MICU3: variants seen among roughly 807,000 people sequenced by gnomAD.
MICU3 encodes calcium uptake protein 3, mitochondrial.
MICU3 carries 62 observed loss-of-function variants against 66.5 expected under a neutral mutation model. The ratio of observed to expected loss-of-function variants is 0.93; its 90% CI spans 0.76 to 1.15. The LOEUF (loss-of-function observed/expected upper bound fraction) is 1.15. Among genes scored for constraint, MICU3 ranks in the 50% most tolerant of loss-of-function variants. MICU3 has a pLI of 0.00. For synonymous variants in MICU3, 308 were observed against 240.7 expected (o/e 1.28, Z -2.59); for missense variants, 779 against 664.4 (o/e 1.17, Z -1.90).
intron 7 of MICU3, among the ~76,000 whole-genome samples, chr8:17,089,586 A>G (rs975851282): frequency 6.6e-6 from 1 of 152,062 alleles, no homozygotes; most frequent in Non-Finnish European, 1.5e-5. Context: ...TACATAAGAG[A>G]GAGAGCATAG....
At chr8:17,106,989 T>A (rs2150817265) in intron 11 of MICU3, among the ~76,000 whole-genome samples, 1 of 152,244 alleles carries the variant, frequency 6.6e-6, no homozygotes, top group South Asian at 2.1e-4. Flanking sequence ...TAACAGCTAC[T>A]AATATTTGAA....
intron 8 of MICU3, 91 bp from the exon 9 acceptor site, chr8:17,098,361 GTTTCCT>G (rs1157222292): frequency 2.3e-6 from 2 of 853,546 alleles, no homozygotes; most frequent in African/African-American, 3.4e-5. Flanking sequence ...AAGCTAATGT[GTTTCCT>G]TTTCAAGGTT....
At chr8:17,138,638 G>A in the MICU3 span, among the ~76,000 whole-genome samples, 462 of 152,194 alleles carry the variant, frequency 3.0e-3, 1 homozygote, top group East Asian at 9.5e-3. Context: ...TCACTGAGAC[G>A]GCTCTCACCT....
At chr8:17,044,427 G>C (rs1215141642) in intron 1 of MICU3, among the ~76,000 whole-genome samples, 1 of 152,168 alleles carries the variant, frequency 6.6e-6, no homozygotes. Context: ...ATCTTCTTCA[G>C]CAGTGTTTTC....
intron 8 of MICU3, among the ~76,000 whole-genome samples, chr8:17,097,034 G>A (rs1444959908): frequency 6.7e-6 from 1 of 148,790 alleles, no homozygotes; most frequent in Non-Finnish European, 1.5e-5. Context: ...ATGAGGCATG[G>A]CTTCACAAAG....
chr8:17,120,739 G>T lies in MICU3; in HGVS notation c.*452G>T, dbSNP rs932433059. The T allele has an allele frequency of 5.3e-5, 8 of 152,270 alleles. No homozygotes were observed. The highest frequency in any genetic ancestry group is 1.9e-4 in the African/African-American group (8 of 41,370). The allele number at this position is 152,270 out of a possible 1,614,324, so 9.4% of individuals were successfully genotyped here. A position where few individuals can be genotyped will look rare whatever the true frequency, so the allele number is the denominator to read the frequency against. Reference sequence around the variant, plus strand: ...GAACTTATTTTCAGAGATGAATATTGCTTGAGATTTATAATACCCTTAGAA... The same window carrying T: ...GAACTTATTTTCAGAGATGAATATTTCTTGAGATTTATAATACCCTTAGAA... On this transcript the variant is annotated 3_prime_UTR_variant, in exon 15 of 15. Transcript: ENST00000318063.
At chr8:17,073,375 A>G (rs777518435) in intron 3 of MICU3, among the ~76,000 whole-genome samples, 1 of 151,834 alleles carries the variant, frequency 6.6e-6, no homozygotes, top group Admixed American at 6.6e-5. Context: ...CCTATTGTGA[A>G]CTGGCATGTG....
chr8:17,055,176 A>G (rs1816740910), intron 1 of MICU3, among the ~76,000 whole-genome samples: 2 of 152,180 alleles, frequency 1.3e-5, no homozygotes, highest in East Asian at 3.9e-4. Flanking sequence ...TATGTCTAAG[A>G]ATTTGGAAAG....
downstream of MICU3, among the ~76,000 whole-genome samples, chr8:17,126,133 G>A (rs2150853297): frequency 6.6e-6 from 1 of 151,500 alleles, no homozygotes; most frequent in South Asian, 2.1e-4. Context: ...TTTCAGGCAG[G>A]GAGGAGCCTG....
intron 8 of MICU3, among the ~76,000 whole-genome samples, chr8:17,096,039 C>T (rs1800644731): frequency 6.6e-6 from 1 of 151,910 alleles, no homozygotes; most frequent in Non-Finnish European, 1.5e-5. Context: ...ACTGTATATT[C>T]TTTTACCTCT....
intron 1 of MICU3, among the ~76,000 whole-genome samples, chr8:17,055,757 C>T (rs1179505848): frequency 2.6e-5 from 4 of 152,166 alleles, no homozygotes; most frequent in South Asian, 4.1e-4. Context: ...TGTCCTAGTA[C>T]GTTCTCTTGG....
chr8:17,115,035 C>T lies in MICU3; in HGVS notation c.1366+834C>T, dbSNP rs369887549. ...TTGGGAGGCTGAGGCAGGAGAATGGCGTGAACCCGGGAGGCGGAGCTTGCA... is the reference window on the plus strand; with the variant it reads ...TTGGGAGGCTGAGGCAGGAGAATGGTGTGAACCCGGGAGGCGGAGCTTGCA... On this transcript the variant is annotated intron_variant, in intron 12 of 14. Coordinates refer to ENST00000318063, the MANE Select transcript of MICU3 (RefSeq NM_181723.3). Among the ~76,000 whole-genome samples the T allele has an allele frequency of 7.3e-4, 109 of 149,366 alleles. 1 individual carries two copies. Among genetic ancestry groups the T allele is most frequent in the East Asian group, 5.0e-3 (25 of 4,968 alleles).
At chr8:17,137,650 G>T in the MICU3 span, among the ~76,000 whole-genome samples, 1 of 149,116 alleles carries the variant, frequency 6.7e-6, no homozygotes, top group African/African-American at 2.5e-5. Context: ...GTCTAAGTTT[G>T]GATAAATACA....
intron 1 of MICU3, among the ~76,000 whole-genome samples, chr8:17,060,901 C>T (rs1290477189): frequency 2.6e-5 from 4 of 151,630 alleles, no homozygotes; most frequent in Non-Finnish European, 5.9e-5. Context: ...GCACCTAATA[C>T]CATTGTCAAA....
At chr8:17,047,683 G>C (rs1422229177) in intron 1 of MICU3, among the ~76,000 whole-genome samples, 1 of 152,170 alleles carries the variant, frequency 6.6e-6, no homozygotes, top group African/African-American at 2.4e-5. Context: ...TCAAAAGTGA[G>C]AGAAAATAAC....
chr8:17,057,161 T>G (rs1817070545), intron 1 of MICU3, among the ~76,000 whole-genome samples: 1 of 152,174 alleles, frequency 6.6e-6, no homozygotes, highest in South Asian at 2.1e-4. Flanking sequence ...ATTAAGGAGA[T>G]CTGGTAAGTA....
chr8:17,059,194 G>T (rs1320733016), intron 1 of MICU3, among the ~76,000 whole-genome samples: 1 of 152,140 alleles, frequency 6.6e-6, no homozygotes, highest in African/African-American at 2.4e-5. Flanking sequence ...TATTTATGCT[G>T]CTACTCACCC....
chr8:17,104,724 G>T (rs1346699316), intron 10 of MICU3, among the ~76,000 whole-genome samples: 1 of 97,968 alleles, frequency 1.0e-5, no homozygotes, highest in Non-Finnish European at 1.8e-5. Context: ...GGCCGGGCGC[G>T]GTGGCTCACG....
the MICU3 span, among the ~76,000 whole-genome samples, chr8:17,130,022 T>C: frequency 1.3e-5 from 2 of 152,138 alleles, no homozygotes; most frequent in African/African-American, 4.8e-5. Flanking sequence ...AATAGTCTTT[T>C]AAAATAATGG....
Sources: allele counts gnomAD v4.1 joint callset (sites outside exome capture counted in the v4.1 genomes callset), GRCh38; gene constraint gnomAD v4.1.1; transcripts MANE v1.5; gene names NCBI Gene and HGNC (gene_info 2026-07-23, HGNC 2026-07-21).